The following PKNOX1 variants were observed in gnomAD, a reference collection of about 807,000 sequenced individuals.
The protein encoded by PKNOX1 is homeobox protein PKNOX1.
A neutral mutation model predicts 51.9 loss-of-function variants in PKNOX1; 15 were observed. The ratio of observed to expected loss-of-function variants is 0.29; its 90% confidence interval spans 0.19 to 0.45. The LOEUF (loss-of-function observed/expected upper bound fraction) is 0.45. PKNOX1 is among the 20% of genes least tolerant of loss of function. The probability of loss-of-function intolerance (pLI) is 1.00; values close to 1 mark genes in which losing one functional copy is unlikely to be tolerated. For synonymous variants in PKNOX1, 219 were observed against 211.1 expected, an observed-to-expected ratio of 1.04 and a Z score of -0.32; for missense variants, 462 against 547.5, an observed-to-expected ratio of 0.84 and a Z score of 1.56.
At chr21:43,001,175 C>T (rs1319107607) in intron 1 of PKNOX1, among the ~76,000 whole-genome samples, 1 of 152,208 alleles carries the variant, frequency 6.6e-6, no homozygotes, top group Non-Finnish European at 1.5e-5. Context: ...GGAAGAGTTC[C>T]TGAAGTGTTT....
At chr21:42,999,158 G>A (rs761648973) in intron 1 of PKNOX1, among the ~76,000 whole-genome samples, 9 of 152,230 alleles carry the variant, frequency 5.9e-5, no homozygotes, top group Non-Finnish European at 1.0e-4. Context: ...CCAATGCCAT[G>A]TGGAAGCTGC....
intron 1 of PKNOX1, among the ~76,000 whole-genome samples, chr21:42,994,111 G>A (rs1601279337): frequency 7.0e-6 from 1 of 143,122 alleles, no homozygotes; most frequent in East Asian, 2.1e-4. Context: ...TATGATCACG[G>A]CTCACTGCAG....
intron 10 of PKNOX1, among the ~76,000 whole-genome samples, chr21:43,029,502 A>G (rs1316774806): frequency 1.5e-5 from 2 of 133,662 alleles, no homozygotes; most frequent in Admixed American, 9.1e-5. Flanking sequence ...ATCTCGGCTC[A>G]CTGAAACCTC....
intron 5 of PKNOX1, 72 bp downstream of exon 5, chr21:43,013,310 A>C: frequency 8.8e-7 from 1 of 1,130,452 alleles, no homozygotes; most frequent in Non-Finnish European, 1.2e-6. Flanking sequence ...TGAGACCACC[A>C]GCTCTTTCAG....
intron 8 of PKNOX1, among the ~76,000 whole-genome samples, chr21:43,023,641 T>TA (rs397694518): frequency 6.6e-6 from 1 of 151,638 alleles, no homozygotes; most frequent in African/African-American, 2.4e-5. Flanking sequence ...TTTTTTTTTT[T>TA]ATTTTTCTGC....
chr21:43,011,188 C>T (rs1979234633), intron 4 of PKNOX1, among the ~76,000 whole-genome samples: 1 of 151,668 alleles, frequency 6.6e-6, no homozygotes. Flanking sequence ...CTGCCTCAGC[C>T]TCCCGAGTAG....
chr21:43,023,968 A>C (rs894498640), intron 8 of PKNOX1, among the ~76,000 whole-genome samples: 1 of 149,808 alleles, frequency 6.7e-6, no homozygotes, highest in African/African-American at 2.5e-5. Context: ...TCCTGACCTC[A>C]AGTTATCCAC....
At chr21:43,006,791 C>T (rs1979006901) in intron 2 of PKNOX1, among the ~76,000 whole-genome samples, 1 of 152,196 alleles carries the variant, frequency 6.6e-6, no homozygotes, top group Non-Finnish European at 1.5e-5. Flanking sequence ...AATGGCCCGT[C>T]CTGGTCCTGA....
intron 1 of PKNOX1, among the ~76,000 whole-genome samples, chr21:42,992,955 G>T (rs1261945963): frequency 6.9e-6 from 1 of 144,656 alleles, no homozygotes; most frequent in African/African-American, 2.6e-5. Context: ...TCATTAGGGG[G>T]CTTTCTCATA....
intron 1 of PKNOX1, among the ~76,000 whole-genome samples, chr21:42,992,466 A>C (rs903759438): frequency 6.6e-6 from 1 of 152,096 alleles, no homozygotes; most frequent in Non-Finnish European, 1.5e-5. Context: ...GTGGCAAAAA[A>C]CCATTTTATT....
In PKNOX1 at chr21:42,986,160, T is replaced by G. The variant is rs142071887; in HGVS notation, c.-57+11496T>G. On this transcript the variant is annotated intron_variant, in intron 1 of 10. Transcript: ENST00000291547. ...TTAACAGGATTTACGATCTATGATT[T>G]TATTTGAATATTACACTTCAAATGA... 4.2e-3 allele frequency among the ~76,000 whole-genome samples: 641 copies of G among 152,310 alleles called. 4 individuals are homozygous for G. Among genetic ancestry groups the G allele is most frequent in the African/African-American group, 0.015 (610 of 41,576 alleles).
At position 43,029,081 on chromosome 21, in the gene PKNOX1, A is replaced by G. The variant is rs985044405; in HGVS notation, c.1099+207A>G. 13 of 604,736 alleles carry G rather than the reference A, an allele frequency of 2.1e-5. No homozygotes were observed. In the African/African-American group the frequency reaches 2.4e-4, roughly 11 times the overall value. 37.5% of individuals were successfully genotyped at this position (604,736 alleles called of 1,614,324 possible). On this transcript the variant is annotated intron_variant, in intron 10 of 10. Transcript: ENST00000291547. ...TAAGAGTTAGGAGCACCAGTAGTAG[A>G]GAATGTAAAACACGTGATAGAGATA...
chr21:42,977,462 C>T (rs778920998), intron 1 of PKNOX1, among the ~76,000 whole-genome samples: 2 of 151,108 alleles, frequency 1.3e-5, no homozygotes, highest in African/African-American at 4.9e-5. Context: ...GCACTTGCTG[C>T]TTCACCTTGT....
chr21:43,004,274 CA>C, intron 1 of PKNOX1, 51 bp from the exon 2 acceptor site: 3 of 764,226 alleles, frequency 3.9e-6, no homozygotes, highest in African/African-American at 1.8e-5. Flanking sequence ...ATGAGGGAGA[CA>C]AAAAATGCTC....
rs545399932 is a variant in PKNOX1, at chr21:42,984,390, C to T, written c.-57+9726C>T. On this transcript the variant is annotated intron_variant, in intron 1 of 10. Transcript: ENST00000291547. The stretch of plus-strand genomic sequence containing the variant: ...ACACTTTTGTGAGTCCAGTTTTTTT[C>T]TTTTTCTTTTTTTTTGAGACAGAGT... Among the ~76,000 whole-genome samples, 13 of 151,846 alleles carry T rather than the reference C, an allele frequency of 8.6e-5. No homozygotes were observed. In the South Asian group the frequency reaches 2.7e-3, roughly 32 times the overall value.
chr21:43,030,094 T>G lies in PKNOX1; in HGVS notation c.1304T>G (p.Leu435Arg). 3.1e-6 allele frequency: 5 copies of G among 1,596,966 alleles called. No homozygotes were observed. Among genetic ancestry groups the G allele is most frequent in the Non-Finnish European group, 3.4e-6 (4 of 1,166,520 alleles). The change falls in exon 11 of 11, where the codon CTG becomes CGG. Residue 435 changes from leucine to arginine, a missense_variant. By Grantham distance (102) the Leu-to-Arg change is moderately radical (BLOSUM62 -2). Around this residue, in one of 5 missense-constraint regions of PKNOX1, gnomAD observed 118 missense variants for 116.8 expected, o/e 1.01. Coordinates refer to ENST00000291547, the MANE Select transcript of PKNOX1 (RefSeq NM_004571.5). ...SGLVLENSDS[L>R]Q ...CTGGTCTTGGAGAACAGTGACTCCC[T>G]GCAGTAGGGGCAGGAGCAGACGCAC... is the stretch of plus-strand genomic sequence containing the variant.
intron 1 of PKNOX1, among the ~76,000 whole-genome samples, chr21:42,983,425 C>T (rs907246877): frequency 6.6e-6 from 1 of 152,130 alleles, no homozygotes; most frequent in African/African-American, 2.4e-5. Flanking sequence ...GCTCATTTAC[C>T]ATAATGTCCT....
chr21:43,019,925 ATTT>A (rs60174298), intron 7 of PKNOX1, among the ~76,000 whole-genome samples: 31,826 of 86,010 alleles, frequency 0.37, 5,269 homozygotes, highest in Admixed American at 0.46. Flanking sequence ...AGGTGCTCTG[ATTT>A]TTTTTTTTTT....
chr21:42,995,710 G>A (rs1195774251), intron 1 of PKNOX1, among the ~76,000 whole-genome samples: 1 of 152,056 alleles, frequency 6.6e-6, no homozygotes, highest in East Asian at 1.9e-4. Flanking sequence ...TCTTGTGGCA[G>A]GTACTTTGAG....
Sources: allele counts gnomAD v4.1 joint callset (sites outside exome capture counted in the v4.1 genomes callset), GRCh38; gene constraint gnomAD v4.1.1; regional missense constraint gnomAD v4.1.1; transcripts MANE v1.5; gene names NCBI Gene and HGNC (gene_info 2026-07-23, HGNC 2026-07-21).